Variants in ATG4A observed in about 807,000 individuals in gnomAD.
ATG4A encodes the protein autophagy related 4A cysteine peptidase.
In ATG4A, 22 loss-of-function variants were observed where a neutral mutation model predicts 38.4. The ratio of observed to expected loss-of-function variants is 0.57; its 90% CI spans 0.41 to 0.82. The LOEUF is 0.82. Among genes scored for constraint, ATG4A ranks in the 40% least tolerant of loss-of-function variants. ATG4A has a pLI of 0.00. For missense variants in ATG4A, 220 were observed against 290.0 expected (o/e 0.76, Z 1.75); for synonymous variants, 86 against 100.7 (o/e 0.85, Z 0.88).
chrX:108,145,606 G>A lies in ATG4A; in HGVS notation c.815-4546G>A, dbSNP rs1422774755. Among the ~76,000 whole-genome samples the A allele has an allele frequency of 3.1e-4, 35 of 112,586 alleles. No individual in the cohort carries two copies. In the Admixed American group the frequency reaches 3.3e-3, roughly 11 times the overall value. ...TGGGAAAGTTGAACTGGGATGTGGT[G>A]GGAATCACCACCTCTGTGTCTTTCA... On this transcript the variant is annotated intron_variant, in intron 9 of 12. Transcript: ENST00000372232.
intron 1 of ATG4A, among the ~76,000 whole-genome samples, chrX:108,118,637 C>T (rs1279088857): frequency 9.0e-6 from 1 of 111,590 alleles, no homozygotes; most frequent in Non-Finnish European, 1.9e-5. Flanking sequence ...CCTCTTTCAT[C>T]TCATTTGTCA....
chrX:108,100,456 C>T (rs1224315449), intron 1 of ATG4A, among the ~76,000 whole-genome samples: 1 of 110,953 alleles, frequency 9.0e-6, no homozygotes, highest in Non-Finnish European at 1.9e-5. Flanking sequence ...TTCCTTTCCA[C>T]TCTGTGTTTT....
chrX:108,137,734 T>G, intron 7 of ATG4A, 70 bp from the exon 8 acceptor site: 1 of 1,033,632 alleles, frequency 9.7e-7, no homozygotes, highest in South Asian at 2.6e-5. Flanking sequence ...TCCCCTTAGT[T>G]TTGATATTGG....
At chrX:108,091,734 T>C (rs1270903560), upstream of ATG4A, 2 of 1,129,713 alleles carry the variant, frequency 1.8e-6, no homozygotes, top group Non-Finnish European at 2.4e-6. Context: ...ACTTGGCCCC[T>C]AGCAGTGCAG....
intron 1 of ATG4A, among the ~76,000 whole-genome samples, chrX:108,112,541 G>A (rs2032389459): frequency 1.8e-5 from 2 of 109,900 alleles, no homozygotes; most frequent in Admixed American, 9.6e-5. Flanking sequence ...ACAGGCGCCC[G>A]GCACTACGCC....
chrX:108,153,196 C>T, intron 12 of ATG4A, 109 bp downstream of exon 12: 1 of 522,976 alleles, frequency 1.9e-6, no homozygotes, highest in South Asian at 4.0e-5. Flanking sequence ...AATTTCTACT[C>T]AGCTGGAGTG....
chrX:108,110,297 A>G (rs1165878476), intron 1 of ATG4A, among the ~76,000 whole-genome samples: 1 of 108,666 alleles, frequency 9.2e-6, no homozygotes, highest in Non-Finnish European at 1.9e-5. Flanking sequence ...TTAAGCCCAG[A>G]AAGAGGAGGG....
chrX:108,144,319 T>A (rs1039398216), intron 9 of ATG4A, among the ~76,000 whole-genome samples: 1 of 112,653 alleles, frequency 8.9e-6, no homozygotes, highest in Non-Finnish European at 1.9e-5. Context: ...AAGTGTTTAT[T>A]CCAGTGAGGA....
At chrX:108,111,768 ATTT>A (rs1340308802) in intron 1 of ATG4A, among the ~76,000 whole-genome samples, 3 of 111,622 alleles carry the variant, frequency 2.7e-5, no homozygotes, top group African/African-American at 9.8e-5. Flanking sequence ...GCTTCTAAAA[ATTT>A]TTATTTCTTT....
chrX:108,141,502 G>A (rs1472758560), intron 9 of ATG4A, among the ~76,000 whole-genome samples: 4 of 111,430 alleles, frequency 3.6e-5, no homozygotes, highest in Non-Finnish European at 5.7e-5. Context: ...GCCAAGAGTC[G>A]ATCCCAATTT....
Position 108,128,864 on chromosome X carries a change from A to C in ATG4A, c.193+12A>C. The C allele has an allele frequency of 8.7e-7, 1 of 1,153,239 alleles. No homozygotes were observed. The highest frequency in any genetic ancestry group is 1.2e-6 in the Non-Finnish European group (1 of 854,442). ...ATTTTCACCAATTGGTAGGTAAATC[A>C]TTTGTTTTACTGTGCTTTATTCCTT... On this transcript the variant is annotated intron_variant, in intron 3 of 12. Coordinates refer to ENST00000372232, the MANE Select transcript of ATG4A (RefSeq NM_052936.5).
chrX:108,098,867 C>T (rs1193451289), intron 1 of ATG4A, among the ~76,000 whole-genome samples: 1 of 111,417 alleles, frequency 9.0e-6, no homozygotes, highest in Non-Finnish European at 1.9e-5. Context: ...GGAGGTACCA[C>T]AGTTTTTTTA....
intron 10 of ATG4A, 96 bp from the exon 11 acceptor site, chrX:108,151,706 C>A: frequency 1.1e-6 from 1 of 871,640 alleles, no homozygotes; most frequent in Non-Finnish European, 1.7e-6. Flanking sequence ...GAAGTCACAT[C>A]CACAGAGACT....
At chrX:108,134,956 C>T (rs2033059866) in intron 6 of ATG4A, among the ~76,000 whole-genome samples, 1 of 112,050 alleles carries the variant, frequency 8.9e-6, no homozygotes, top group African/African-American at 3.2e-5. Flanking sequence ...GTCTTGGAAT[C>T]AGTTTGTCAT....
chrX:108,137,301 G>C, intron 7 of ATG4A, 131 bp downstream of exon 7: 1 of 496,413 alleles, frequency 2.0e-6, no homozygotes. Flanking sequence ...GGGAGCACAG[G>C]GCTCTGATTC....
At chrX:108,099,003 C>T (rs1167620144) in intron 1 of ATG4A, among the ~76,000 whole-genome samples, 1 of 111,162 alleles carries the variant, frequency 9.0e-6, no homozygotes, top group Non-Finnish European at 1.9e-5. Flanking sequence ...GATAAATGCC[C>T]AGGAGAGCAA....
intron 1 of ATG4A, among the ~76,000 whole-genome samples, chrX:108,106,487 T>G (rs2032175530): frequency 8.9e-6 from 1 of 112,265 alleles, no homozygotes; most frequent in South Asian, 3.7e-4. Flanking sequence ...TTTACTCTTA[T>G]TTTTCTTTCT....
intron 9 of ATG4A, among the ~76,000 whole-genome samples, chrX:108,146,644 C>T (rs1299104014): frequency 1.8e-5 from 2 of 111,817 alleles, no homozygotes; most frequent in East Asian, 2.8e-4. Flanking sequence ...ATCTATTTTG[C>T]AAGGCATTGG....
upstream of ATG4A, chrX:108,088,852 T>C (rs1475733059): frequency 8.8e-7 from 1 of 1,139,688 alleles, no homozygotes; most frequent in Non-Finnish European, 1.2e-6. Flanking sequence ...TCTGCTGTCC[T>C]ACAGAGAAGC....
Sources: gnomAD v4.1 joint callset for allele counts (sites outside exome capture counted in the v4.1 genomes callset) on GRCh38, gnomAD v4.1.1 for gene constraint, MANE v1.5 for transcripts, NCBI Gene and HGNC (gene_info 2026-07-23, HGNC 2026-07-21) for gene names.